The following PDE4D variants were observed in gnomAD, a reference collection of about 807,000 sequenced individuals.
The protein encoded by PDE4D is phosphodiesterase 4D.
PDE4D carries 24 observed loss-of-function variants against 87.4 expected under a neutral mutation model. The observed-to-expected ratio is 0.27, with a 90% confidence interval of 0.20 to 0.39. The LOEUF (loss-of-function observed/expected upper bound fraction) is 0.39. Among genes scored for constraint, PDE4D ranks in the 10% least tolerant of loss-of-function variants. The probability of loss-of-function intolerance (pLI) is 1.00; values close to 1 mark genes in which losing one functional copy is unlikely to be tolerated. For synonymous variants in PDE4D, 384 were observed against 383.2 expected (o/e 1.00, Z -0.02); for missense variants, 714 against 1,041.0 (o/e 0.69, Z 4.32).
At chr5:59,401,570 G>A (rs1323877882) in intron 1 of PDE4D, among the ~76,000 whole-genome samples, 2 of 152,136 alleles carry the variant, frequency 1.3e-5, no homozygotes, top group African/African-American at 4.8e-5. Context: ...ATTGAGAGAT[G>A]AGCTTTATAC....
intron 1 of PDE4D, among the ~76,000 whole-genome samples, chr5:59,609,806 C>T (rs1054901249): frequency 6.6e-6 from 1 of 152,146 alleles, no homozygotes; most frequent in African/African-American, 2.4e-5. Flanking sequence ...CAGCCACAAA[C>T]TCTGAGCTTC....
chr5:59,303,602 T>C (rs1770695148), intron 1 of PDE4D, among the ~76,000 whole-genome samples: 1 of 152,130 alleles, frequency 6.6e-6, no homozygotes, highest in South Asian at 2.1e-4. Flanking sequence ...CATTCTCCTA[T>C]GTGTGGCTAG....
rs186288510 is a variant in PDE4D, at chr5:59,687,830, C to T, written c.455+205338G>A. On this transcript the variant is annotated intron_variant, in intron 1 of 14. Transcript: ENST00000340635. ...TGCTGTATTCAGGAGACCCATCTCA[C>T]GTGCAGAGACACACACAGGCTCAAA... Among the ~76,000 whole-genome samples the T allele has an allele frequency of 2.6e-5, 4 of 152,062 alleles. No individual in the cohort carries two copies. In the East Asian group the frequency reaches 5.8e-4, roughly 22 times the overall value.
intron 2 of PDE4D, among the ~76,000 whole-genome samples, chr5:60,084,007 G>A (rs1774261256): frequency 6.6e-6 from 1 of 152,002 alleles, no homozygotes; most frequent in African/African-American, 2.4e-5. Context: ...TGCGAACTGA[G>A]GCGTCTCTGG....
chr5:59,615,952 A>G (rs1829609202), intron 1 of PDE4D, among the ~76,000 whole-genome samples: 1 of 152,064 alleles, frequency 6.6e-6, no homozygotes, highest in African/African-American at 2.4e-5. Flanking sequence ...ATTTTCCATA[A>G]GCATCCACAA....
chr5:60,145,314 C>T (rs1170262984), intron 2 of PDE4D, among the ~76,000 whole-genome samples: 1 of 152,190 alleles, frequency 6.6e-6, no homozygotes, highest in Non-Finnish European at 1.5e-5. Context: ...ATGACTTCTC[C>T]ATCTCCAAGG....
At chr5:60,200,600 T>C (rs1741786454) in intron 1 of PDE4D, among the ~76,000 whole-genome samples, 1 of 152,204 alleles carries the variant, frequency 6.6e-6, no homozygotes, top group Non-Finnish European at 1.5e-5. Flanking sequence ...TTGACTCTAC[T>C]GTAGATGACA....
chr5:60,479,557 G>C (rs1748572890), intron 1 of PDE4D, among the ~76,000 whole-genome samples: 1 of 152,126 alleles, frequency 6.6e-6, no homozygotes, highest in African/African-American at 2.4e-5. Flanking sequence ...ATTTATTTCT[G>C]TCTCTGTCCA....
chr5:60,384,316 A>C (rs1301761393), intron 1 of PDE4D, among the ~76,000 whole-genome samples: 1 of 152,198 alleles, frequency 6.6e-6, no homozygotes, highest in Non-Finnish European at 1.5e-5. Context: ...ATTCTTACCT[A>C]TTCATTAAAG....
intron 3 of PDE4D, among the ~76,000 whole-genome samples, chr5:59,986,130 C>A (rs910471384): frequency 6.0e-5 from 5 of 83,886 alleles, no homozygotes. Context: ...TGACTCACTG[C>A]AACCTCTGCC....
intron 3 of PDE4D, among the ~76,000 whole-genome samples, chr5:59,963,379 CATG>C: frequency 6.6e-6 from 1 of 152,142 alleles, no homozygotes; most frequent in Non-Finnish European, 1.5e-5. Flanking sequence ...GGTCTGAAAG[CATG>C]ACTGAATAAC....
intron 1 of PDE4D, among the ~76,000 whole-genome samples, chr5:60,190,355 G>T (rs1483378043): frequency 6.6e-6 from 1 of 152,280 alleles, no homozygotes; most frequent in African/African-American, 2.4e-5. Flanking sequence ...TACATTGGTA[G>T]CAGAAACAAG....
intron 5 of PDE4D, among the ~76,000 whole-genome samples, chr5:59,170,213 T>G (rs1782546618): frequency 6.6e-6 from 1 of 152,014 alleles, no homozygotes; most frequent in Non-Finnish European, 1.5e-5. Context: ...GAGATGGAGG[T>G]CTCACTGTGT....
chr5:60,263,125 C>T (rs1195330042), intron 1 of PDE4D, among the ~76,000 whole-genome samples: 9 of 152,180 alleles, frequency 5.9e-5, no homozygotes, highest in Non-Finnish European at 4.4e-5. Context: ...CCCACCTGTG[C>T]TGCACCAACC....
chr5:59,485,614 T>C (rs1388299854), intron 1 of PDE4D, among the ~76,000 whole-genome samples: 1 of 151,788 alleles, frequency 6.6e-6, no homozygotes, highest in Non-Finnish European at 1.5e-5. Context: ...TATAAACATA[T>C]ACAAATGTAA....
intron 5 of PDE4D, among the ~76,000 whole-genome samples, chr5:59,157,626 A>T (rs1780447235): frequency 6.6e-6 from 1 of 152,230 alleles, no homozygotes; most frequent in African/African-American, 2.4e-5. Context: ...TACAAATGAG[A>T]AGAATGTATA....
At chr5:59,390,639 T>A (rs183244314) in intron 1 of PDE4D, among the ~76,000 whole-genome samples, 12 of 152,266 alleles carry the variant, frequency 7.9e-5, no homozygotes, top group Non-Finnish European at 1.3e-4. Context: ...CATGTAAATG[T>A]ACAGCAAAGA....
intron 1 of PDE4D, among the ~76,000 whole-genome samples, chr5:60,388,860 A>T (rs1762378952): frequency 6.6e-6 from 1 of 152,196 alleles, no homozygotes; most frequent in African/African-American, 2.4e-5. Flanking sequence ...CACCACAGCG[A>T]CCTAATTAAG....
chr5:60,041,680 C>T (rs1053889286), intron 2 of PDE4D, among the ~76,000 whole-genome samples: 9 of 152,278 alleles, frequency 5.9e-5, no homozygotes, highest in Admixed American at 2.6e-4. Flanking sequence ...GGCATCAACT[C>T]ACCTGGGAAG....
Sources: allele counts gnomAD v4.1 joint callset (sites outside exome capture counted in the v4.1 genomes callset), GRCh38; gene constraint gnomAD v4.1.1; transcripts MANE v1.5; gene names NCBI Gene and HGNC (gene_info 2026-07-23, HGNC 2026-07-21).